Variants in C2orf92 observed in about 807,000 individuals in gnomAD.
C2orf92 encodes uncharacterized protein C2orf92.
At chr2:97,663,999 C>T (rs1333243731), upstream of C2orf92, 3 of 620,578 alleles carry the variant, frequency 4.8e-6, no homozygotes, top group Non-Finnish European at 6.8e-6. Context: ...CGCCGCTGCC[C>T]TCCCTCCCCG....
At chr2:97,693,169 T>C (rs1364737890) in intron 5 of C2orf92, among the ~76,000 whole-genome samples, 2 of 152,202 alleles carry the variant, frequency 1.3e-5, no homozygotes. Context: ...TCCTTTCTTT[T>C]TAAGGCTGAA....
At chr2:97,671,563 A>G (rs1675412374) in intron 1 of C2orf92, 1 of 398,512 alleles carries the variant, frequency 2.5e-6, no homozygotes, top group Non-Finnish European at 4.4e-6. Flanking sequence ...CATGGTCCTC[A>G]TTGTCTCCCA....
At chr2:97,692,247 A>T (rs996106369) in intron 5 of C2orf92, among the ~76,000 whole-genome samples, 1 of 152,044 alleles carries the variant, frequency 6.6e-6, no homozygotes, top group Non-Finnish European at 1.5e-5. Context: ...TAAGTCACTT[A>T]ATTTTCTGTG....
chr2:97,682,187 G>C (rs1178793652), intron 3 of C2orf92, among the ~76,000 whole-genome samples: 3 of 152,140 alleles, frequency 2.0e-5, no homozygotes, highest in Non-Finnish European at 4.4e-5. Flanking sequence ...ATAAACATTT[G>C]TATGCTCACA....
At chr2:97,664,049 G>T, upstream of C2orf92, 2 of 316,144 alleles carry the variant, frequency 6.3e-6, no homozygotes, top group East Asian at 5.4e-5. Context: ...CTTTCTGGAG[G>T]GCGGGCCCGG....
intron 6 of C2orf92, among the ~76,000 whole-genome samples, chr2:97,699,471 G>A (rs560449631): frequency 4.6e-5 from 7 of 152,176 alleles, no homozygotes; most frequent in Admixed American, 6.5e-5. Context: ...GCATGGTGGC[G>A]GGTGCCTGTA....
upstream of C2orf92, chr2:97,664,029 C>T: frequency 2.6e-6 from 1 of 382,836 alleles, no homozygotes; most frequent in Non-Finnish European, 4.3e-6. Context: ...CCTACGCGAG[C>T]CCCGCGGGGC....
intron 3 of C2orf92, among the ~76,000 whole-genome samples, chr2:97,679,637 T>A (rs1478763343): frequency 3.4e-5 from 5 of 148,396 alleles, no homozygotes; most frequent in Admixed American, 2.0e-4. Flanking sequence ...AGGTCAGGAG[T>A]TTGAAACCAG....
chr2:97,680,248 G>A (rs1374968045), intron 3 of C2orf92, among the ~76,000 whole-genome samples: 3 of 152,148 alleles, frequency 2.0e-5, no homozygotes, highest in African/African-American at 2.4e-5. Flanking sequence ...GCAGTGAGCC[G>A]AGATCATGCC....
intron 3 of C2orf92, among the ~76,000 whole-genome samples, chr2:97,684,600 C>G (rs1675891465): frequency 6.6e-6 from 1 of 151,806 alleles, no homozygotes; most frequent in Non-Finnish European, 1.5e-5. Context: ...CAAAAGCAGG[C>G]AAAAAGAGAA....
At chr2:97,670,318 C>A (rs907304200) in intron 1 of C2orf92, 1 of 151,952 alleles carries the variant, frequency 6.6e-6, no homozygotes, top group African/African-American at 2.4e-5. Context: ...ATCATGAGAG[C>A]CTGTCTGTAT....
chr2:97,674,735 A>G (rs971147825), intron 2 of C2orf92, among the ~76,000 whole-genome samples, 178 bp downstream of exon 2: 3 of 152,150 alleles, frequency 2.0e-5, no homozygotes, highest in African/African-American at 7.2e-5. Flanking sequence ...CTTCCTCCCA[A>G]TATGGGAGTC....
chr2:97,678,207 TAAA>T (rs1220198825), intron 3 of C2orf92, among the ~76,000 whole-genome samples: 1 of 68,830 alleles, frequency 1.5e-5, no homozygotes, highest in African/African-American at 5.6e-5. Context: ...CTCAAAAAAA[TAAA>T]AAAAAAAAGA....
At chr2:97,669,533 C>G (rs562430554), upstream of C2orf92, 10 of 355,968 alleles carry the variant, frequency 2.8e-5, no homozygotes, top group African/African-American at 2.1e-4. Context: ...TCAGGACATG[C>G]AGGATGGAGG....
At chr2:97,693,021 T>C (rs1676191073) in intron 5 of C2orf92, among the ~76,000 whole-genome samples, 1 of 152,234 alleles carries the variant, frequency 6.6e-6, no homozygotes, top group Non-Finnish European at 1.5e-5. Context: ...TGGGTATTTT[T>C]TTCTGTTTCT....
chr2:97,680,218 G>A (rs1357131398), intron 3 of C2orf92, among the ~76,000 whole-genome samples: 3 of 152,206 alleles, frequency 2.0e-5, no homozygotes, highest in South Asian at 2.1e-4. Context: ...AGAATCACTT[G>A]AACATGGGAG....
At chr2:97,698,656 C>T (rs939360462) in intron 5 of C2orf92, among the ~76,000 whole-genome samples, 3 of 152,116 alleles carry the variant, frequency 2.0e-5, no homozygotes, top group Non-Finnish European at 4.4e-5. Flanking sequence ...ACAGAAGCAG[C>T]GTCTTTCAGG....
intron 5 of C2orf92, among the ~76,000 whole-genome samples, chr2:97,693,188 T>C (rs1676196722): frequency 6.6e-6 from 1 of 152,242 alleles, no homozygotes; most frequent in African/African-American, 2.4e-5. Flanking sequence ...AATAATATTC[T>C]ATTGTATATA....
At chr2:97,686,316 C>T (rs1010875718) in intron 3 of C2orf92, among the ~76,000 whole-genome samples, 3 of 152,198 alleles carry the variant, frequency 2.0e-5, no homozygotes, top group Admixed American at 1.3e-4. Context: ...TAGGCCCTAC[C>T]TCCTAACATG....
Sources: gnomAD v4.1 joint callset for allele counts (sites outside exome capture counted in the v4.1 genomes callset) on GRCh38, gnomAD v4.1.1 for gene constraint, MANE v1.5 for transcripts, NCBI Gene and HGNC (gene_info 2026-07-23, HGNC 2026-07-21) for gene names.